SLC19A1: variants seen among roughly 807,000 people sequenced by gnomAD.
SLC19A1 encodes the protein solute carrier family 19 member 1, also known as reduced folate transporter.
In SLC19A1, 37 loss-of-function variants were observed where a neutral mutation model predicts 35.3. That is an observed-to-expected ratio of 1.05 (90% CI 0.81 to 1.38). The LOEUF (loss-of-function observed/expected upper bound fraction) is 1.38. Among genes scored for constraint, SLC19A1 ranks in the 40% most tolerant of loss-of-function variants. The pLI is 0.00. For missense variants in SLC19A1, 831 were observed against 826.9 expected, an observed-to-expected ratio of 1.00 and a Z score of -0.06; for synonymous variants, 460 against 398.5, an observed-to-expected ratio of 1.15 and a Z score of -1.84.
Position 45,537,719 on chromosome 21 carries a change from T to TGGGGGGCCCCCCCCCCCCCCCC in SLC19A1, c.189+51_189+52insGGGGGGGGGGGGGGGGCCCCCC. The stretch of plus-strand genomic sequence containing the variant: ...CCCACGTGCCTATTCCAGACGCTGC[T>TGGGGGGCCCCCCCCCCCCCCCC]CCCCGCCCACCCACCCACAGGCGGC... On this transcript the variant is annotated intron_variant, in intron 2 of 5. Transcript: ENST00000311124. 6.3e-6 allele frequency: 2 copies of TGGGGGGCCCCCCCCCCCCCCCC among 319,776 alleles called. 1 individual carries two copies. Among genetic ancestry groups the TGGGGGGCCCCCCCCCCCCCCCC allele is most frequent in the Non-Finnish European group, 1.1e-5 (2 of 177,720 alleles). The allele number at this position is 319,776 out of a possible 1,614,324, so 19.8% of individuals were successfully genotyped here.
intron 2 of SLC19A1, among the ~76,000 whole-genome samples, chr21:45,535,276 G>T (rs574472368): frequency 1.6e-3 from 246 of 152,370 alleles, no homozygotes; most frequent in African/African-American, 5.8e-3. Flanking sequence ...TCACGGACTC[G>T]GCCGGGGAAA....
Position 45,530,653 on chromosome 21 carries a change from G to T in SLC19A1, c.1151+117C>A. 9.2e-7 allele frequency: 1 copy of T among 1,089,856 alleles called. No homozygotes were observed. The highest frequency in any genetic ancestry group is 1.3e-6 in the Non-Finnish European group (1 of 766,084). 67.5% of individuals were successfully genotyped at this position (1,089,856 alleles called of 1,614,324 possible). ...CCCTGGTCAGCTCCAGGTGGCTGGC[G>T]GGGCCAGCAGTGGCACAGCCGCTGG... On this transcript the variant is annotated intron_variant, in intron 4 of 5. Transcript: ENST00000311124. The surrounding 1 kb of genome is among the most constrained non-coding windows in gnomAD (Gnocchi z 5.3).
Position 45,533,731 on chromosome 21 carries a change from T to C in SLC19A1, c.190-1583A>G, listed in dbSNP as rs2078014100. On this transcript the variant is annotated intron_variant, in intron 2 of 5. Transcript: ENST00000311124. The surrounding 1 kb of genome is among the most constrained non-coding windows in gnomAD (Gnocchi z 4.5). ...TGCTGCCCCAGGTGACCTCAGCCCC[T>C]GCCAGCCACACTTGGCAGGACCAAA... is the stretch of plus-strand genomic sequence containing the variant. 6.6e-6 allele frequency among the ~76,000 whole-genome samples: 1 copy of C among 151,996 alleles called. No homozygotes were observed. The highest frequency in any genetic ancestry group is 2.4e-5 in the African/African-American group (1 of 41,392).
At chr21:45,554,842 T>G (rs117473978) in intron 1 of SLC19A1, among the ~76,000 whole-genome samples, 2,238 of 152,030 alleles carry the variant, frequency 0.015, 27 homozygotes, top group Non-Finnish European at 0.025. Context: ...TTATTTGCTT[T>G]TAACTGTCCA....
At chr21:45,552,415 A>C (rs532531922) in intron 1 of SLC19A1, among the ~76,000 whole-genome samples, 6 of 147,844 alleles carry the variant, frequency 4.1e-5, no homozygotes, top group African/African-American at 7.5e-5. Flanking sequence ...CAGTGTGGAC[A>C]TCGGTGGCTG....
chr21:45,531,785 G>A lies in SLC19A1; in HGVS notation c.553C>T (p.Leu185Phe). ...AGGAAGGCCAGCGAGATGTAGTTGA[G>A]CGTGGAGAAGGAGACTCGGCCCACA... ...VTVGRVSFST[L>F]NYISLAFLTF... is the part of the protein sequence containing the mutation. The change falls in exon 3 of 6, where the codon CTC becomes TTC. Residue 185 changes from leucine (L) to phenylalanine (F), a missense_variant. Leu to Phe is a conservative substitution (Grantham distance 22, BLOSUM62 0). Transcript: ENST00000311124. 2 of 1,602,430 alleles carry A rather than the reference G, an allele frequency of 1.2e-6. No homozygotes were observed. The highest frequency in any genetic ancestry group is 1.7e-6 in the Non-Finnish European group (2 of 1,174,736).
At chr21:45,526,455 A>G (rs751828496) in intron 4 of SLC19A1, among the ~76,000 whole-genome samples, 7 of 152,336 alleles carry the variant, frequency 4.6e-5, no homozygotes, top group Non-Finnish European at 1.5e-5. Flanking sequence ...AATTTTGTGC[A>G]TGAAGAAACT....
At chr21:45,560,224 G>A (rs1043195921) in intron 1 of SLC19A1, among the ~76,000 whole-genome samples, 1 of 152,298 alleles carries the variant, frequency 6.6e-6, no homozygotes. Context: ...CACCCCCCAA[G>A]GACTCCTCCC....
chr21:45,511,298 T>C (rs936739740), downstream of SLC19A1: 3 of 789,478 alleles, frequency 3.8e-6, no homozygotes, highest in African/African-American at 3.4e-5. Context: ...GGCTCCTATC[T>C]GCAGTTTCCC....
chr21:45,560,687 A>T (rs533658728), intron 1 of SLC19A1, among the ~76,000 whole-genome samples: 7 of 152,348 alleles, frequency 4.6e-5, no homozygotes, highest in African/African-American at 1.7e-4. Context: ...GACCAAGAAG[A>T]GGAATGACAA....
At chr21:45,552,611 C>T (rs1274705014) in intron 1 of SLC19A1, among the ~76,000 whole-genome samples, 1 of 152,152 alleles carries the variant, frequency 6.6e-6, no homozygotes. Context: ...GAGCAGACAG[C>T]CTCTCGCCCA....
chr21:45,561,790 TA>T (rs2078617342), intron 1 of SLC19A1, among the ~76,000 whole-genome samples: 2 of 150,634 alleles, frequency 1.3e-5, no homozygotes, highest in African/African-American at 2.4e-5. Context: ...AATAAATAAT[TA>T]AAAAATTAAA....
In SLC19A1 at chr21:45,537,929, G is replaced by C. The variant is rs1488594404; in HGVS notation, c.31C>G (p.Gln11Glu). The C allele has an allele frequency of 7.6e-6, 12 of 1,585,766 alleles. No homozygotes were observed. Among genetic ancestry groups the C allele is most frequent in the Non-Finnish European group, 9.4e-6 (11 of 1,170,388 alleles). Residue 11 changes from glutamine (Q) to glutamate (E), a missense_variant, in exon 2 of 6, where the codon CAG becomes GAG. Coordinates refer to ENST00000311124, the MANE Select transcript of SLC19A1 (RefSeq NM_194255.4). MVPSSPAVEK[Q>E]VPVEPGPDPE... is the part of the protein sequence containing the mutation. ...TCAGGCCCAGGTTCCACGGGCACCT[G>C]CTTCTCCACCGCTGGGCTGGAGGGC...
intron 3 of SLC19A1, among the ~76,000 whole-genome samples, chr21:45,504,929 T>G (rs1407813676): frequency 6.6e-6 from 1 of 152,094 alleles, no homozygotes; most frequent in Non-Finnish European, 1.5e-5. Flanking sequence ...AGGTCTCTGC[T>G]GGTCTCTCCC....
chr21:45,542,449 G>A (rs958038777), upstream of SLC19A1: 7 of 151,004 alleles, frequency 4.6e-5, no homozygotes, highest in African/African-American at 1.7e-4. Context: ...GCGCCCACAA[G>A]GCGGCGCGGC....
intron 2 of SLC19A1, 85 bp from the exon 3 acceptor site, chr21:45,532,233 T>G (rs2077957801): frequency 8.5e-7 from 1 of 1,171,590 alleles, no homozygotes; most frequent in Non-Finnish European, 1.2e-6. Context: ...TGATGGCTGC[T>G]GACGGCTTCC....
intron 4 of SLC19A1, among the ~76,000 whole-genome samples, chr21:45,528,404 CAG>C (rs921805784): frequency 4.3e-4 from 65 of 152,198 alleles, no homozygotes; most frequent in Non-Finnish European, 2.9e-4. Context: ...CGAGTCCCAA[CAG>C]AGTCAGGAGA....
downstream of SLC19A1, chr21:45,510,187 T>A (rs774684691): frequency 3.8e-6 from 6 of 1,598,474 alleles, no homozygotes; most frequent in Admixed American, 8.6e-5. Context: ...CGCCTTCCTG[T>A]CCTCGCGCCT....
Position 45,534,561 on chromosome 21 carries a change from C to A in SLC19A1, c.190-2413G>T. On this transcript the variant is annotated intron_variant, in intron 2 of 5. Transcript: ENST00000311124. This position sits in a 1 kb window ranked among gnomAD's most constrained non-coding sequence, Gnocchi z 4.2. Reference sequence around the variant, plus strand: ...ACCTCCGAATGAATGGAGCATGCCTCATTTCCTCTTCCACCAGGAGCTGGC... The same window carrying A: ...ACCTCCGAATGAATGGAGCATGCCTAATTTCCTCTTCCACCAGGAGCTGGC... 6.5e-7 allele frequency: 1 copy of A among 1,535,734 alleles called. No individual in the cohort carries two copies. Among genetic ancestry groups the A allele is most frequent in the South Asian group, 1.2e-5 (1 of 84,064 alleles).
Sources: allele counts gnomAD v4.1 joint callset (sites outside exome capture counted in the v4.1 genomes callset), GRCh38; gene constraint gnomAD v4.1.1; non-coding constraint Gnocchi (gnomAD v3.1); transcripts MANE v1.5; gene names NCBI Gene and HGNC (gene_info 2026-07-23, HGNC 2026-07-21).